ZNF165: variants seen among roughly 807,000 people sequenced by gnomAD.
ZNF165 encodes cancer/testis antigen 53.
A neutral mutation model predicts 19.6 loss-of-function variants in ZNF165; 14 were observed. That is an observed-to-expected ratio of 0.71 (90% CI 0.47 to 1.12). The LOEUF (loss-of-function observed/expected upper bound fraction) is 1.12, where lower values mean the gene tolerates loss of function less well. ZNF165 is among the 50% of genes most tolerant of loss of function. The pLI is 0.00. For synonymous variants in ZNF165, 165 were observed against 195.0 expected, an observed-to-expected ratio of 0.85 and a Z score of 1.28; for missense variants, 504 against 566.3, an observed-to-expected ratio of 0.89 and a Z score of 1.12.
chr6:28,084,299 A>G (rs1764219856), intron 1 of ZNF165, among the ~76,000 whole-genome samples: 1 of 152,192 alleles, frequency 6.6e-6, no homozygotes, highest in Non-Finnish European at 1.5e-5. Flanking sequence ...TTGTGATAAG[A>G]TTCTTAATAA....
chr6:28,081,705 T>TC (rs1338643593), intron 1 of ZNF165, among the ~76,000 whole-genome samples: 1 of 152,000 alleles, frequency 6.6e-6, no homozygotes, highest in Non-Finnish European at 1.5e-5. Context: ...CTCTTTAACC[T>TC]CCAACTTTCT....
Position 28,086,294 on chromosome 6 carries a change from G to A in ZNF165, c.534G>A (p.Gln178=), listed in dbSNP as rs955791770. ...CCCATTTTGATTCATCAGAACCCCA[G>A]CTCCTATGGGACTGTGGTGAGGGGC... ...TKAHFDSSEP[Q]LLWDCDNESE... Residue 178 remains glutamine (Q), a synonymous_variant, in exon 3 of 4, where the codon CAG becomes CAA. Transcript: ENST00000683778. The A allele has an allele frequency of 6.2e-7, 1 of 1,614,000 alleles. No homozygotes were observed. Among genetic ancestry groups the A allele is most frequent in the Admixed American group, 1.7e-5 (1 of 59,966 alleles).
intron 1 of ZNF165, among the ~76,000 whole-genome samples, chr6:28,083,343 T>G (rs1764197927): frequency 6.6e-6 from 1 of 152,224 alleles, no homozygotes; most frequent in African/African-American, 2.4e-5. Flanking sequence ...CCTCATCTCC[T>G]TGCCCCTAGT....
Position 28,088,597 on chromosome 6 carries a change from G to A in ZNF165, c.585G>A (p.Lys195=), listed in dbSNP as rs1419842004. 1 of 1,610,724 alleles carries A rather than the reference G, an allele frequency of 6.2e-7. No individual in the cohort carries two copies. The highest frequency in any genetic ancestry group is 8.5e-7 in the Non-Finnish European group (1 of 1,179,124). ...GTGAAAACAGTAGATCCATGCCAAA[G>A]CTGGAAATTTTTGAAAAAATTGAAT... The part of the protein sequence containing the change: ...NESENSRSMP[K]LEIFEKIESQ... The change falls in exon 4 of 4, where the codon AAG becomes AAA. Residue 195 remains lysine, a synonymous_variant. Transcript: ENST00000683778.
chr6:28,081,070 C>T (rs1426096784), intron 1 of ZNF165, 100 bp downstream of exon 1: 1 of 152,266 alleles, frequency 6.6e-6, no homozygotes, highest in Admixed American at 6.5e-5. Context: ...CTCTGGGTGA[C>T]CAGACCTTGG....
chr6:28,083,470 C>T (rs558282130), intron 1 of ZNF165, among the ~76,000 whole-genome samples: 3 of 152,262 alleles, frequency 2.0e-5, no homozygotes, highest in African/African-American at 7.2e-5. Context: ...CACCTTTAAT[C>T]GCCTGTTCTG....
At position 28,085,510 on chromosome 6, in the gene ZNF165, C is replaced by G; in HGVS notation, c.30C>G (p.Ala10=). 1.2e-6 allele frequency: 2 copies of G among 1,613,996 alleles called. No homozygotes were observed. The stretch of plus-strand genomic sequence containing the variant: ...CTACAGAACCAAAGAAAGCTGCAGC[C>G]CAGAACTCTCCAGAGGATGAAGGAC... The part of the protein sequence containing the change: MATEPKKAA[A]QNSPEDEGLL... Residue 10 remains alanine (A), a synonymous_variant, in exon 2 of 4, where the codon GCC becomes GCG. Coordinates refer to ENST00000683778, the MANE Select transcript of ZNF165 (RefSeq NM_001376491.1).
chr6:28,088,918 A>G lies in ZNF165; in HGVS notation c.906A>G (p.Lys302=), dbSNP rs1455259014. 1 of 1,614,206 alleles carries G rather than the reference A, an allele frequency of 6.2e-7. No homozygotes were observed. The highest frequency in any genetic ancestry group is 1.1e-5 in the South Asian group (1 of 91,074). ...ATGGTACCTGTGACCAGAGCTTCAA[A>G]TGGAACTCAGATTTTATTAACCATC... ...CKHGTCDQSF[K]WNSDFINHQI... The change falls in exon 4 of 4, where the codon AAA becomes AAG. Residue 302 remains lysine (K), a synonymous_variant. Coordinates refer to ENST00000683778, the MANE Select transcript of ZNF165 (RefSeq NM_001376491.1).
rs1764136097 is a variant in ZNF165 at position 28,080,862 on chromosome 6, C to T, written c.-109C>T. On this transcript the variant is annotated 5_prime_UTR_variant, in exon 1 of 4. Coordinates refer to ENST00000683778, the MANE Select transcript of ZNF165 (RefSeq NM_001376491.1). ...TCTTGGAATTGTAGTCCAAAGGCAT[C>T]CCGCCTTCTGCGCAGACTCACAAGT... 1 of 152,204 alleles carries T rather than the reference C, an allele frequency of 6.6e-6. No homozygotes were observed. Among genetic ancestry groups the T allele is most frequent in the Non-Finnish European group, 1.5e-5 (1 of 68,072 alleles). 9.4% of individuals were successfully genotyped at this position (152,204 alleles called of 1,614,324 possible).
chr6:28,084,915 C>T (rs1764237006), intron 1 of ZNF165, among the ~76,000 whole-genome samples: 1 of 152,216 alleles, frequency 6.6e-6, no homozygotes, highest in Admixed American at 6.5e-5. Flanking sequence ...TACAAACCTA[C>T]TAAACGTTTT....
intron 3 of ZNF165, among the ~76,000 whole-genome samples, chr6:28,088,257 T>C (rs547205104): frequency 6.6e-6 from 1 of 152,306 alleles, no homozygotes; most frequent in Non-Finnish European, 1.5e-5. Flanking sequence ...CAGTCAACAT[T>C]GTAGAGTTCC....
At chr6:28,082,266 C>G (rs1286497280) in intron 1 of ZNF165, among the ~76,000 whole-genome samples, 1 of 151,642 alleles carries the variant, frequency 6.6e-6, no homozygotes, top group East Asian at 1.9e-4. Flanking sequence ...AGAATTAATA[C>G]TGTTACATAT....
At chr6:28,087,717 C>T (rs10484404) in intron 3 of ZNF165, among the ~76,000 whole-genome samples, 22,563 of 152,062 alleles carry the variant, frequency 0.15, 2,171 homozygotes, top group African/African-American at 0.27. Flanking sequence ...TAAAGAAGGG[C>T]GGTTCAATTC....
At chr6:28,086,813 A>T (rs1456700292) in intron 3 of ZNF165, among the ~76,000 whole-genome samples, 1 of 152,236 alleles carries the variant, frequency 6.6e-6, no homozygotes. Context: ...TTTCCAAAAC[A>T]CAGAACATTT....
At chr6:28,082,664 G>A (rs564650123) in intron 1 of ZNF165, among the ~76,000 whole-genome samples, 5 of 152,286 alleles carry the variant, frequency 3.3e-5, no homozygotes, top group South Asian at 4.1e-4. Flanking sequence ...TTCCAGCGTG[G>A]GCGTCAAGGC....
intron 1 of ZNF165, among the ~76,000 whole-genome samples, 185 bp from the exon 2 acceptor site, chr6:28,085,296 G>A (rs1286729928): frequency 1.3e-5 from 2 of 152,154 alleles, no homozygotes; most frequent in African/African-American, 4.8e-5. Context: ...TAGAAACCAA[G>A]TATGTCAGTG....
chr6:28,088,552 T>C lies in ZNF165; in HGVS notation c.551-11T>C, dbSNP rs1432691916. The C allele has an allele frequency of 3.8e-6, 6 of 1,564,400 alleles. No individual in the cohort carries two copies. Among genetic ancestry groups the C allele is most frequent in the Non-Finnish European group, 5.2e-6 (6 of 1,161,128 alleles). ...CAAACAGGTAATATTTCCCTTTCTT[T>C]TTTATTTTAGATAATGAGAGTGAAA... On this transcript the variant is annotated splice_polypyrimidine_tract_variant and intron_variant, in intron 3 of 3. Coordinates refer to ENST00000683778, the MANE Select transcript of ZNF165 (RefSeq NM_001376491.1).
chr6:28,081,838 T>G (rs1334741837), intron 1 of ZNF165, among the ~76,000 whole-genome samples: 1 of 152,248 alleles, frequency 6.6e-6, no homozygotes, highest in Non-Finnish European at 1.5e-5. Flanking sequence ...TCAATATTTA[T>G]TAGTTTAAAG....
chr6:28,086,040 C>T, intron 2 of ZNF165, 132 bp from the exon 3 acceptor site: 1 of 1,495,178 alleles, frequency 6.7e-7, no homozygotes, highest in Middle Eastern at 2.3e-4. Context: ...TTCCACACTA[C>T]ATTTTACAAT....
Sources: allele counts gnomAD v4.1 joint callset (sites outside exome capture counted in the v4.1 genomes callset), GRCh38; gene constraint gnomAD v4.1.1; transcripts MANE v1.5; gene names NCBI Gene and HGNC (gene_info 2026-07-23, HGNC 2026-07-21).